Variants in LDLRAD2 observed in about 807,000 individuals in gnomAD.
The protein encoded by LDLRAD2 is low-density lipoprotein receptor class A domain-containing protein 2.
Under a neutral mutation model 24.9 loss-of-function variants are expected in LDLRAD2, and 25 were observed. The observed-to-expected ratio is 1.00, with a 90% CI of 0.73 to 1.40. The LOEUF (loss-of-function observed/expected upper bound fraction) is 1.40, where lower values mean the gene tolerates loss of function less well. Among genes scored for constraint, LDLRAD2 ranks in the 40% most tolerant of loss-of-function variants. The pLI, the probability that LDLRAD2 is intolerant of heterozygous loss-of-function variation, is 0.00. For missense variants in LDLRAD2, 391 were observed against 366.2 expected (o/e 1.07, Z -0.55); for synonymous variants, 182 against 166.7 (o/e 1.09, Z -0.71).
chr1:21,821,646 A>G (rs1396242685), intron 4 of LDLRAD2, 35 bp downstream of exon 4: 3 of 1,607,192 alleles, frequency 1.9e-6, no homozygotes, highest in Non-Finnish European at 2.6e-6. Context: ...CACCAAAATC[A>G]TACCTGTCCC....
chr1:21,814,017 C>A (rs540127053), intron 1 of LDLRAD2, among the ~76,000 whole-genome samples: 1 of 152,140 alleles, frequency 6.6e-6, no homozygotes, highest in South Asian at 2.1e-4. Context: ...ATTACAGGTG[C>A]GCACCACCAT....
Position 21,814,606 on chromosome 1 carries a change from C to T in LDLRAD2, c.294C>T (p.Thr98=), listed in dbSNP as rs1360189343. The T allele has an allele frequency of 1.2e-6, 2 of 1,611,120 alleles. No homozygotes were observed. Among genetic ancestry groups the T allele is most frequent in the Admixed American group, 1.7e-5 (1 of 59,948 alleles). The change falls in exon 2 of 5, where the codon ACC becomes ACT. Residue 98 remains threonine, a synonymous_variant. Coordinates refer to ENST00000344642, the MANE Select transcript of LDLRAD2 (RefSeq NM_001013693.3). Reference sequence around the variant, plus strand: ...CCCCCGCGCCCCCGGCGCTCAACACCTCCTCCCCGGCCCCGGCCGACCCGT... The same window carrying T: ...CCCCCGCGCCCCCGGCGCTCAACACTTCCTCCCCGGCCCCGGCCGACCCGT... ...SLTPAPPALN[T]SSPAPADPCA...
chr1:21,815,998 C>G lies in LDLRAD2; in HGVS notation c.567C>G (p.Leu189=). Residue 189 remains leucine (L), a synonymous_variant, in exon 3 of 5, where the codon CTC becomes CTG. Transcript: ENST00000344642. ...ATGGCAGGTGCATCCCCTCAAGCCTCGTGTGTGACCCCTGGGGCATGGACA... is the reference window on the plus strand; with the variant it reads ...ATGGCAGGTGCATCCCCTCAAGCCTGGTGTGTGACCCCTGGGGCATGGACA... ...CQNGRCIPSS[L]VCDPWGMDNC... is the part of the protein sequence containing the mutation. 1 of 1,613,916 alleles carries G rather than the reference C, an allele frequency of 6.2e-7. No homozygotes were observed. Among genetic ancestry groups the G allele is most frequent in the Non-Finnish European group, 8.5e-7 (1 of 1,180,016 alleles).
In LDLRAD2 at chr1:21,823,394, G is replaced by A. The variant is rs759562639; in HGVS notation, c.*1179G>A. 45 of 1,562,724 alleles carry A rather than the reference G, an allele frequency of 2.9e-5. No homozygotes were observed. Among genetic ancestry groups the A allele is most frequent in the African/African-American group, 1.4e-4 (10 of 74,000 alleles). On this transcript the variant is annotated 3_prime_UTR_variant, in exon 5 of 5. Transcript: ENST00000344642. ...CCAGGGGCTGTGGGGGCGGGGCGCC[G>A]GGTCGGGCCGAGTGCAGCACCAGGT...
chr1:21,812,663 A>G, intron 1 of LDLRAD2, 127 bp downstream of exon 1: 1 of 757,972 alleles, frequency 1.3e-6, no homozygotes, highest in Non-Finnish European at 2.2e-6. Flanking sequence ...GGAGGCTGGG[A>G]AACTGTGTCT....
At chr1:21,818,713 A>C (rs1252669406) in intron 3 of LDLRAD2, among the ~76,000 whole-genome samples, 3 of 152,120 alleles carry the variant, frequency 2.0e-5, no homozygotes, top group Admixed American at 6.5e-5. Flanking sequence ...CTTCCCCGCC[A>C]GAGGTACCTT....
At chr1:21,817,848 CT>C (rs1356260150) in intron 3 of LDLRAD2, among the ~76,000 whole-genome samples, 1 of 152,002 alleles carries the variant, frequency 6.6e-6, no homozygotes, top group Non-Finnish European at 1.5e-5. Flanking sequence ...CACTCAGCAT[CT>C]CATGTTACAT....
chr1:21,823,634 T>C lies in LDLRAD2; in HGVS notation c.*1419T>C, dbSNP rs749564257. On this transcript the variant is annotated 3_prime_UTR_variant, in exon 5 of 5. Transcript: ENST00000344642. ...GACTTACCGATGTAGACGCTGCCCT[T>C]GGCGTTGACTGCCACGTTGGGACCT... is the stretch of plus-strand genomic sequence containing the variant. 5 of 1,613,770 alleles carry C rather than the reference T, an allele frequency of 3.1e-6. No homozygotes were observed. Among genetic ancestry groups the C allele is most frequent in the Non-Finnish European group, 4.2e-6 (5 of 1,179,958 alleles).
chr1:21,820,262 G>T (rs191195895), intron 3 of LDLRAD2, among the ~76,000 whole-genome samples: 1 of 150,968 alleles, frequency 6.6e-6, no homozygotes, highest in Non-Finnish European at 1.5e-5. Flanking sequence ...CCCGCTGGGC[G>T]CGGTGGCTCA....
At position 21,824,178 on chromosome 1, in the gene LDLRAD2, C is replaced by T. The variant is rs151184052; in HGVS notation, c.*1963C>T. 2.4e-4 allele frequency: 386 copies of T among 1,613,710 alleles called. 2 individuals carry two copies. In the African/African-American group the frequency reaches 3.8e-3, roughly 16 times the overall value. On this transcript the variant is annotated 3_prime_UTR_variant, in exon 5 of 5. Coordinates refer to ENST00000344642, the MANE Select transcript of LDLRAD2 (RefSeq NM_001013693.3). The surrounding 1 kb of genome is among the most constrained non-coding windows in gnomAD (Gnocchi z 5.9). ...ATTGATGGGGTCCTCAGAGACCAGG[C>T]GGGCCTCCCCACTACCCAGCTGGTA...
rs1557661994 is a variant in LDLRAD2, at chr1:21,823,556, G to A, written c.*1341G>A. On this transcript the variant is annotated 3_prime_UTR_variant, in exon 5 of 5. Coordinates refer to ENST00000344642, the MANE Select transcript of LDLRAD2 (RefSeq NM_001013693.3). ...CCAGGAGGCGAGGAAGGCTGGGCGA[G>A]CTCTAGCCCTAAGGGAGTGCCGTTC... 1.2e-6 allele frequency: 2 copies of A among 1,608,568 alleles called. No homozygotes were observed. Among genetic ancestry groups the A allele is most frequent in the South Asian group, 2.2e-5 (2 of 90,988 alleles).
In LDLRAD2 at chr1:21,824,418, G is replaced by A. The variant is rs773213778; in HGVS notation, c.*2203G>A. 9.3e-6 allele frequency: 15 copies of A among 1,609,280 alleles called. No homozygotes were observed. The highest frequency in any genetic ancestry group is 8.8e-5 in the South Asian group (8 of 91,018). On this transcript the variant is annotated 3_prime_UTR_variant, in exon 5 of 5. Transcript: ENST00000344642. This position sits in a 1 kb window ranked among gnomAD's most constrained non-coding sequence, Gnocchi z 5.9. ...GGGTCTCTGGGGTCCCCAGCCTGGA[G>A]AGCAGAGGCTGCCGAGGCCAGGGGG... is the stretch of plus-strand genomic sequence containing the variant.
In LDLRAD2 at chr1:21,824,809, C is replaced by T; in HGVS notation, c.*2594C>T. 2 of 1,587,942 alleles carry T rather than the reference C, an allele frequency of 1.3e-6. No homozygotes were observed. Among genetic ancestry groups the T allele is most frequent in the Non-Finnish European group, 1.7e-6 (2 of 1,162,476 alleles). On this transcript the variant is annotated 3_prime_UTR_variant, in exon 5 of 5. Coordinates refer to ENST00000344642, the MANE Select transcript of LDLRAD2 (RefSeq NM_001013693.3). This position sits in a 1 kb window ranked among gnomAD's most constrained non-coding sequence, Gnocchi z 5.9. Reference sequence around the variant, plus strand: ...GGGAGAGAGGAGGGTGGTGCCATACCTGCTGCATCAGGCATCAAAATCCCC... The same window carrying T: ...GGGAGAGAGGAGGGTGGTGCCATACTTGCTGCATCAGGCATCAAAATCCCC...
At chr1:21,815,094 GCACACACATC>G (rs1052456653) in intron 2 of LDLRAD2, among the ~76,000 whole-genome samples, 36 of 152,142 alleles carry the variant, frequency 2.4e-4, no homozygotes, top group East Asian at 2.1e-3. Context: ...GCCCCAGTGC[GCACACACATC>G]CACACACATC....
rs535428970 is a variant in LDLRAD2, at chr1:21,816,041, G to A, written c.610G>A (p.Asp204Asn). 2 of 1,613,634 alleles carry A rather than the reference G, an allele frequency of 1.2e-6. No individual in the cohort carries two copies. The highest frequency in any genetic ancestry group is 1.3e-5 in the African/African-American group (1 of 75,054). Reference protein sequence around the residue: ...WGMDNCGDGSDQGSWSPADCR... With the variant: ...WGMDNCGDGSNQGSWSPADCR... ...CATGGACAACTGTGGCGATGGCAGTGACCAGGGCTCCTGGTCACCAGCTGA... is the reference window on the plus strand; with the variant it reads ...CATGGACAACTGTGGCGATGGCAGTAACCAGGGCTCCTGGTCACCAGCTGA... The change falls in exon 3 of 5, where the codon GAC becomes AAC. Residue 204 changes from aspartate (D) to asparagine (N), a missense_variant. By Grantham distance (23) the Asp-to-Asn change is conservative. Coordinates refer to ENST00000344642, the MANE Select transcript of LDLRAD2 (RefSeq NM_001013693.3).
At chr1:21,816,505 C>T (rs1395127114) in intron 3 of LDLRAD2, among the ~76,000 whole-genome samples, 1 of 152,186 alleles carries the variant, frequency 6.6e-6, no homozygotes, top group Non-Finnish European at 1.5e-5. Flanking sequence ...AGAGAAGTGA[C>T]TTGCCCAAGG....
rs541223186 is a variant in LDLRAD2 at position 21,823,755 on chromosome 1, C to T, written c.*1540C>T. The T allele has an allele frequency of 2.6e-6, 4 of 1,540,042 alleles. No homozygotes were observed. The Admixed American group carries it at 6.7e-5, about 26-fold the overall frequency. On this transcript the variant is annotated 3_prime_UTR_variant, in exon 5 of 5. Transcript: ENST00000344642. Reference sequence around the variant, plus strand: ...ACTGGGTCAGGCCCCTTTCCACAAACTTCCTGGTCCTCCCCGGCCCCACGA... The same window carrying T: ...ACTGGGTCAGGCCCCTTTCCACAAATTTCCTGGTCCTCCCCGGCCCCACGA...
Position 21,814,691 on chromosome 1 carries a change from G to A in LDLRAD2, c.379G>A (p.Gly127Arg). ...CCCGCCGGGGGCGCCCCGGCCCCTG[G>A]GGTCCCCACTGTGCGGCCTGAACAT... ...EGPPGAPRPL[G>R]SPLCGLNIPV... is the part of the protein sequence containing the mutation. The change falls in exon 2 of 5, where the codon GGG (glycine) becomes AGG (arginine). Residue 127 changes from glycine to arginine, a missense_variant. Coordinates refer to ENST00000344642, the MANE Select transcript of LDLRAD2 (RefSeq NM_001013693.3). 1.3e-6 allele frequency: 2 copies of A among 1,572,852 alleles called. No homozygotes were observed. The highest frequency in any genetic ancestry group is 1.7e-6 in the Non-Finnish European group (2 of 1,160,314).
intron 4 of LDLRAD2, chr1:21,821,870 G>C: frequency 1.4e-6 from 2 of 1,423,020 alleles, no homozygotes; most frequent in Non-Finnish European, 1.8e-6. Context: ...CTGCAGCACA[G>C]CCTGTACCAC....
Sources: gnomAD v4.1 joint callset for allele counts (sites outside exome capture counted in the v4.1 genomes callset) on GRCh38, gnomAD v4.1.1 for gene constraint, Gnocchi (gnomAD v3.1) non-coding constraint, MANE v1.5 for transcripts, NCBI Gene and HGNC (gene_info 2026-07-23, HGNC 2026-07-21) for gene names.